CNTNAP2: variants seen among roughly 807,000 people sequenced by gnomAD.
CNTNAP2 encodes the protein contactin-associated protein-like 2.
A neutral mutation model predicts 155.2 loss-of-function variants in CNTNAP2; 98 were observed. The observed-to-expected ratio is 0.63, with a 90% CI of 0.54 to 0.75. CNTNAP2 has a LOEUF of 0.75. Among genes scored for constraint, CNTNAP2 ranks in the 30% least tolerant of loss-of-function variants. The pLI is 0.00. For synonymous variants in CNTNAP2, 651 were observed against 631.2 expected (o/e 1.03, Z -0.47); for missense variants, 1,727 against 1,688.1 (o/e 1.02, Z -0.40).
At chr7:147,119,900 C>T (rs1414565782) in intron 5 of CNTNAP2, among the ~76,000 whole-genome samples, 1 of 152,068 alleles carries the variant, frequency 6.6e-6, no homozygotes, top group Non-Finnish European at 1.5e-5. Flanking sequence ...TTTTGCCTGA[C>T]CATAAAAAGC....
intron 16 of CNTNAP2, 68 bp from the exon 17 acceptor site, chr7:148,147,423 T>G (rs1805206244): frequency 6.8e-7 from 1 of 1,476,908 alleles, no homozygotes; most frequent in East Asian, 2.3e-5. Context: ...GTTTGTCGTC[T>G]AGAATTTACT....
chr7:146,186,244 A>T (rs1798622007), intron 1 of CNTNAP2, among the ~76,000 whole-genome samples: 2 of 152,180 alleles, frequency 1.3e-5, no homozygotes. Flanking sequence ...CCAATAAAGA[A>T]TAGGGAATTG....
chr7:146,667,894 A>G (rs556403711), intron 1 of CNTNAP2, among the ~76,000 whole-genome samples: 6 of 152,126 alleles, frequency 3.9e-5, no homozygotes, highest in East Asian at 3.9e-4. Flanking sequence ...AGGTTTTTCT[A>G]TATATAGGAT....
chr7:146,660,640 A>G (rs1800071030), intron 1 of CNTNAP2, among the ~76,000 whole-genome samples: 1 of 152,182 alleles, frequency 6.6e-6, no homozygotes, highest in African/African-American at 2.4e-5. Flanking sequence ...AATAAATGGG[A>G]GGTGTTATTC....
Position 146,167,979 on chromosome 7 carries a change from A to G in CNTNAP2, c.97+51006A>G, listed in dbSNP as rs139341974. Among the ~76,000 whole-genome samples the G allele has an allele frequency of 3.3e-5, 5 of 152,258 alleles. No individual in the cohort carries two copies. The East Asian group carries it at 5.8e-4, about 18-fold the overall frequency. ...CAGTCCAAGAGTTGAAAAGCTGAAG[A>G]ACTTGACAGGAGACTGATGTTTGAG... On this transcript the variant is annotated intron_variant, in intron 1 of 23. Transcript: ENST00000361727.
At chr7:148,041,302 G>T (rs1448813777) in intron 15 of CNTNAP2, among the ~76,000 whole-genome samples, 1 of 152,214 alleles carries the variant, frequency 6.6e-6, no homozygotes, top group Non-Finnish European at 1.5e-5. Flanking sequence ...GATGCAGTGT[G>T]ACAGCAAGTC....
intron 8 of CNTNAP2, among the ~76,000 whole-genome samples, chr7:147,174,205 A>G (rs1273879064): frequency 6.6e-6 from 1 of 152,048 alleles, no homozygotes; most frequent in East Asian, 1.9e-4. Flanking sequence ...TTTCTTCCCT[A>G]TATCTGATTA....
intron 8 of CNTNAP2, among the ~76,000 whole-genome samples, chr7:147,143,268 T>G (rs938897089): frequency 3.3e-5 from 5 of 152,154 alleles, no homozygotes; most frequent in Non-Finnish European, 5.9e-5. Context: ...TTCCATTGAG[T>G]CATGTTCCCA....
intron 1 of CNTNAP2, among the ~76,000 whole-genome samples, chr7:146,587,823 C>T (rs1041563438): frequency 1.3e-5 from 2 of 151,906 alleles, no homozygotes; most frequent in East Asian, 1.9e-4. Flanking sequence ...TACAGGTGCA[C>T]GCCACCATGC....
At chr7:146,517,145 A>G (rs1269347266) in intron 1 of CNTNAP2, among the ~76,000 whole-genome samples, 1 of 151,960 alleles carries the variant, frequency 6.6e-6, no homozygotes, top group Non-Finnish European at 1.5e-5. Context: ...TGTTCAGTGT[A>G]TCCACACTGT....
chr7:147,345,939 A>G (rs906290305), intron 9 of CNTNAP2, among the ~76,000 whole-genome samples: 3 of 152,178 alleles, frequency 2.0e-5, no homozygotes, highest in African/African-American at 4.8e-5. Context: ...TATATGCTTA[A>G]GCTCAAGCTT....
chr7:147,310,033 T>C (rs1183134170), intron 9 of CNTNAP2, among the ~76,000 whole-genome samples: 1 of 152,156 alleles, frequency 6.6e-6, no homozygotes, highest in Admixed American at 6.5e-5. Flanking sequence ...CACATTGAAA[T>C]TGAACATATT....
At chr7:146,866,270 C>G (rs761127963) in intron 3 of CNTNAP2, among the ~76,000 whole-genome samples, 1 of 151,940 alleles carries the variant, frequency 6.6e-6, no homozygotes, top group Non-Finnish European at 1.5e-5. Context: ...AATTCCAAAC[C>G]TTTAATATTA....
intron 1 of CNTNAP2, among the ~76,000 whole-genome samples, chr7:146,509,223 T>A (rs1049604685): frequency 6.6e-6 from 1 of 152,238 alleles, no homozygotes; most frequent in African/African-American, 2.4e-5. Context: ...GGTATTTCTC[T>A]GGCATAGTCC....
chr7:147,625,101 G>A (rs1371207667), intron 12 of CNTNAP2, among the ~76,000 whole-genome samples: 3 of 152,144 alleles, frequency 2.0e-5, no homozygotes, highest in Non-Finnish European at 4.4e-5. Context: ...GGTTTCCAGA[G>A]GCTGGGAAGG....
chr7:146,439,010 C>A (rs1796282428), intron 1 of CNTNAP2, among the ~76,000 whole-genome samples: 1 of 151,390 alleles, frequency 6.6e-6, no homozygotes, highest in African/African-American at 2.5e-5. Context: ...CTTTACATTG[C>A]ATTTTCAAAA....
intron 3 of CNTNAP2, among the ~76,000 whole-genome samples, chr7:146,983,849 C>A (rs1798066255): frequency 6.6e-6 from 1 of 152,146 alleles, no homozygotes; most frequent in Admixed American, 6.6e-5. Flanking sequence ...AACTGGTTAA[C>A]AGCTTCAAAG....
intron 20 of CNTNAP2, among the ~76,000 whole-genome samples, chr7:148,240,485 C>T (rs1453730661): frequency 6.6e-6 from 1 of 152,112 alleles, no homozygotes; most frequent in African/African-American, 2.4e-5. Context: ...CCCTTGAGGA[C>T]AATGTCAGTG....
At chr7:147,531,011 G>A (rs773945641) in intron 11 of CNTNAP2, among the ~76,000 whole-genome samples, 13 of 152,186 alleles carry the variant, frequency 8.5e-5, no homozygotes, top group African/African-American at 2.9e-4. Flanking sequence ...ATCCAGTGGG[G>A]CAGTCAAATT....
Sources: gnomAD v4.1 joint callset for allele counts (sites outside exome capture counted in the v4.1 genomes callset) on GRCh38, gnomAD v4.1.1 for gene constraint, MANE v1.5 for transcripts, NCBI Gene and HGNC (gene_info 2026-07-23, HGNC 2026-07-21) for gene names.